TUT7: variants seen among roughly 807,000 people sequenced by gnomAD.
The protein encoded by TUT7 is terminal uridylyltransferase 7.
A neutral mutation model predicts 165.9 loss-of-function variants in TUT7; 33 were observed. The ratio of observed to expected loss-of-function variants is 0.20; its 90% CI spans 0.15 to 0.27. The LOEUF (loss-of-function observed/expected upper bound fraction) is 0.27, where lower values mean the gene tolerates loss of function less well. TUT7 is among the 10% of genes least tolerant of loss of function. The probability of loss-of-function intolerance (pLI) is 1.00; values close to 1 mark genes in which losing one functional copy is unlikely to be tolerated. For synonymous variants in TUT7, 552 were observed against 608.1 expected (o/e 0.91, Z 1.36); for missense variants, 1,338 against 1,762.3 (o/e 0.76, Z 4.31).
intron 10 of TUT7, 126 bp from the exon 11 acceptor site, chr9:86,328,618 T>G (rs896756599): frequency 7.3e-6 from 5 of 680,514 alleles, no homozygotes; most frequent in Admixed American, 7.5e-5. Context: ...ATTTATGGAC[T>G]ATCACAGAGA....
chr9:86,334,858 C>A (rs1049311726), intron 10 of TUT7, among the ~76,000 whole-genome samples: 4 of 152,118 alleles, frequency 2.6e-5, no homozygotes, highest in African/African-American at 9.7e-5. Flanking sequence ...TGTCTTAAAT[C>A]AGAGTTGCCT....
At chr9:86,308,972 G>A (rs1186016416) in intron 21 of TUT7, among the ~76,000 whole-genome samples, 1 of 152,132 alleles carries the variant, frequency 6.6e-6, no homozygotes, top group African/African-American at 2.4e-5. Context: ...TTGGAATAAA[G>A]TTACTTAACC....
At chr9:86,300,192 A>T (rs1564027006) in intron 26 of TUT7, among the ~76,000 whole-genome samples, 1 of 152,206 alleles carries the variant, frequency 6.6e-6, no homozygotes, top group Non-Finnish European at 1.5e-5. Flanking sequence ...ATAGATAAAA[A>T]TTTTTAAGTA....
At position 86,303,097 on chromosome 9, in the gene TUT7, A is replaced by G. The variant is rs755819472; in HGVS notation, c.4083T>C (p.Pro1361=). Residue 1361 remains proline (P), a synonymous_variant, in exon 25 of 27, where the codon CCT becomes CCC. Transcript: ENST00000375963. ...GKIGHFMKDC[P]MRRKVRRRRD... is the part of the protein sequence containing the mutation. ...GAACATTTACTTACTTTCTCCTCAT[A>G]GGACAGTCCTTCATGAAGTGTCCGA... 8 of 1,575,028 alleles carry G rather than the reference A, an allele frequency of 5.1e-6. No individual in the cohort carries two copies. Among genetic ancestry groups the G allele is most frequent in the Non-Finnish European group, 6.9e-6 (8 of 1,154,700 alleles).
chr9:86,349,592 T>A (rs1258217276), intron 2 of TUT7, among the ~76,000 whole-genome samples: 1 of 152,198 alleles, frequency 6.6e-6, no homozygotes, highest in Non-Finnish European at 1.5e-5. Flanking sequence ...AACTCCACCA[T>A]AATTTCCATT....
intron 7 of TUT7, 99 bp downstream of exon 7, chr9:86,340,903 T>A (rs887804806): frequency 2.2e-6 from 2 of 920,122 alleles, no homozygotes; most frequent in South Asian, 2.8e-5. Context: ...ACATAAATAA[T>A]TTTAAAAGCA....
chr9:86,329,439 T>C (rs1006961351), intron 10 of TUT7, among the ~76,000 whole-genome samples: 5 of 151,874 alleles, frequency 3.3e-5, no homozygotes, highest in Non-Finnish European at 5.9e-5. Flanking sequence ...AGAAGAATTG[T>C]TTGACCCTGG....
chr9:86,304,461 A>G (rs1397528614), intron 24 of TUT7, among the ~76,000 whole-genome samples: 5 of 152,188 alleles, frequency 3.3e-5, no homozygotes, highest in Admixed American at 3.3e-4. Context: ...GTCCCAGCAA[A>G]AGATTTACTA....
rs773638805 is a variant in TUT7 at position 86,323,854 on chromosome 9, T to C, written c.1896A>G (p.Pro632=). The change falls in exon 13 of 27, where the codon CCA becomes CCG. Residue 632 remains proline, a synonymous_variant. Coordinates refer to ENST00000375963, the MANE Select transcript of TUT7 (RefSeq NM_024617.4). ...GAAGGCTGGATTTTGTAATTTTGTG[T>C]GGAAGAGCAAAATACTTGTATGTTG... The part of the protein sequence containing the change: ...LRTTYKYFAL[P]HKITKSSLLK... The C allele has an allele frequency of 6.2e-7, 1 of 1,614,146 alleles. No homozygotes were observed. Among genetic ancestry groups the C allele is most frequent in the Admixed American group, 1.7e-5 (1 of 60,014 alleles).
At chr9:86,351,942 C>G (rs974923580) in intron 2 of TUT7, among the ~76,000 whole-genome samples, 1 of 152,080 alleles carries the variant, frequency 6.6e-6, no homozygotes, top group African/African-American at 2.4e-5. Context: ...TTGCAGAAAT[C>G]GTTGCCACAT....
intron 2 of TUT7, among the ~76,000 whole-genome samples, chr9:86,347,478 A>G (rs553797178): frequency 2.0e-5 from 3 of 152,300 alleles, no homozygotes; most frequent in Non-Finnish European, 4.4e-5. Flanking sequence ...TCCTCCATCA[A>G]GTTTTCAGAG....
chr9:86,302,067 T>C (rs1316309173), intron 25 of TUT7, among the ~76,000 whole-genome samples: 1 of 152,232 alleles, frequency 6.6e-6, no homozygotes, highest in African/African-American at 2.4e-5. Context: ...CTTATCCTAA[T>C]AATCACTGAT....
Position 86,323,571 on chromosome 9 carries a change from T to C in TUT7, c.2179A>G (p.Ile727Val). The part of the protein sequence containing the change: ...ISVHPENSDC[I>V]QADVNSDDYK... The stretch of plus-strand genomic sequence containing the variant: ...TCATCAGAGTTAACATCTGCTTGGA[T>C]ACAGTCTGAGTTTTCAGGGTGGACA... The change falls in exon 13 of 27, where the codon ATC (isoleucine) becomes GTC (valine). Residue 727 changes from isoleucine to valine, a missense_variant. By Grantham distance (29) the Ile-to-Val change is conservative (BLOSUM62 3). Coordinates refer to ENST00000375963, the MANE Select transcript of TUT7 (RefSeq NM_024617.4). The C allele has an allele frequency of 6.2e-7, 1 of 1,614,232 alleles. No individual in the cohort carries two copies. Among genetic ancestry groups the C allele is most frequent in the Non-Finnish European group, 8.5e-7 (1 of 1,180,038 alleles).
intron 19 of TUT7, 127 bp downstream of exon 19, chr9:86,309,801 G>T: frequency 9.9e-7 from 1 of 1,010,498 alleles, no homozygotes; most frequent in Non-Finnish European, 1.5e-6. Context: ...TCTTCATAGG[G>T]TCTCCCAAAT....
rs776184649 is a variant in TUT7, at chr9:86,345,784, C to G, written c.704G>C (p.Arg235Pro). 2.5e-6 allele frequency: 4 copies of G among 1,601,154 alleles called. No homozygotes were observed. In the South Asian group the frequency reaches 3.4e-5, roughly 13 times the overall value. Residue 235 changes from arginine (R) to proline (P), a missense_variant and splice_region_variant, in exon 4 of 27, where the codon CGA (arginine) becomes CCA (proline). Coordinates refer to ENST00000375963, the MANE Select transcript of TUT7 (RefSeq NM_024617.4). Reference sequence around the variant, plus strand: ...CTTTGCTGTAGGGTAGTTTCGTGGTCGCTATAATTTGAAGAGATTTATTTA... The same window carrying G: ...CTTTGCTGTAGGGTAGTTTCGTGGTGGCTATAATTTGAAGAGATTTATTTA... ...KRDCIDRLKR[R>P]PRNYPTAKYT...
At chr9:86,346,031 C>A (rs1283679754) in intron 3 of TUT7, among the ~76,000 whole-genome samples, 1 of 152,138 alleles carries the variant, frequency 6.6e-6, no homozygotes, top group Non-Finnish European at 1.5e-5. Context: ...GGGCTACAGG[C>A]ATGCCACTGT....
At chr9:86,290,010 A>G (rs1169040393) in intron 26 of TUT7, among the ~76,000 whole-genome samples, 2 of 152,186 alleles carry the variant, frequency 1.3e-5, no homozygotes, top group Non-Finnish European at 2.9e-5. Flanking sequence ...TAGCATTTTC[A>G]AAAAACTAAA....
intron 13 of TUT7, 94 bp downstream of exon 13, chr9:86,322,779 A>T: frequency 2.9e-6 from 4 of 1,399,272 alleles, no homozygotes. Context: ...ACACTACCAA[A>T]ATAGGAAAAT....
Position 86,318,981 on chromosome 9 carries a change from T to C in TUT7, c.3193A>G (p.Ile1065Val), listed in dbSNP as rs767072002. ...ACCTCAGCAGTTTCAAGTCCATTAA[T>C]TGTCATACAGACGTCAAGGTCACTC... ...KQSDLDVCMT[I>V]NGLETAEGLD... The change falls in exon 16 of 27, where the codon ATT (isoleucine) becomes GTT (valine). Residue 1065 changes from isoleucine (I) to valine (V), a missense_variant. Physicochemically the swap from Ile to Val is conservative, Grantham distance 29. This residue lies in a region of TUT7 where 157 missense variants were observed against 357.5 expected (regional missense o/e 0.44). Coordinates refer to ENST00000375963, the MANE Select transcript of TUT7 (RefSeq NM_024617.4). 2.5e-6 allele frequency: 4 copies of C among 1,613,416 alleles called. No homozygotes were observed. The East Asian group carries it at 8.9e-5, about 36-fold the overall frequency.
Sources: gnomAD v4.1 joint callset for allele counts (sites outside exome capture counted in the v4.1 genomes callset) on GRCh38, gnomAD v4.1.1 for gene constraint, gnomAD v4.1.1 regional missense constraint, MANE v1.5 for transcripts, NCBI Gene and HGNC (gene_info 2026-07-23, HGNC 2026-07-21) for gene names.